LPA: variants seen among roughly 807,000 people sequenced by gnomAD.
LPA encodes the protein apolipoprotein(a).
A neutral mutation model predicts 197.9 loss-of-function variants in LPA; 199 were observed. That is an observed-to-expected ratio of 1.01 (90% CI 0.90 to 1.13). LPA has a LOEUF of 1.13. LPA is among the 50% of genes most tolerant of loss of function. LPA has a pLI of 0.00. For synonymous variants in LPA, 715 were observed against 639.5 expected, an observed-to-expected ratio of 1.12 and a Z score of -1.78; for missense variants, 1,853 against 1,785.8, an observed-to-expected ratio of 1.04 and a Z score of -0.68.
intron 1 of LPA, among the ~76,000 whole-genome samples, chr6:160,657,084 T>C (rs1157007359): frequency 6.6e-6 from 1 of 152,208 alleles, no homozygotes; most frequent in Non-Finnish European, 1.5e-5. Flanking sequence ...TCCCATTGTA[T>C]TTAAATTTTG....
At chr6:160,589,761 A>G in intron 23 of LPA, 49 bp from the exon 24 acceptor site, 2 of 1,606,426 alleles carry the variant, frequency 1.2e-6, no homozygotes, top group Non-Finnish European at 1.7e-6. Context: ...CAGAACACAG[A>G]AGCATGAGAA....
intron 21 of LPA, 63 bp from the exon 22 acceptor site, chr6:160,594,180 A>G: frequency 6.3e-7 from 1 of 1,590,646 alleles, no homozygotes; most frequent in South Asian, 1.1e-5. Context: ...ATCAGAAGAA[A>G]TCTGTGACTG....
In LPA at chr6:160,635,404, C is replaced by T. The variant is rs539386600; in HGVS notation, c.894-100G>A. On this transcript the variant is annotated intron_variant, in intron 6 of 38. Coordinates refer to ENST00000316300, the MANE Select transcript of LPA (RefSeq NM_005577.4). ...GCTGCAACAAGGTCATTACCGGTGCCTTTCTAATATTCCCATTAAAAGTAC... is the reference window on the plus strand; with the variant it reads ...GCTGCAACAAGGTCATTACCGGTGCTTTTCTAATATTCCCATTAAAAGTAC... 1.5e-3 allele frequency: 850 copies of T among 581,234 alleles called. 39 individuals are homozygous for T. The African/African-American group carries it at 0.024, about 17-fold the overall frequency. 36.0% of individuals were successfully genotyped at this position (581,234 alleles called of 1,614,324 possible).
chr6:160,573,990 C>G (rs557933637), intron 28 of LPA, among the ~76,000 whole-genome samples: 1 of 152,096 alleles, frequency 6.6e-6, no homozygotes, highest in Non-Finnish European at 1.5e-5. Flanking sequence ...CTTCTGCTAC[C>G]AGGGTGGGTA....
At chr6:160,649,361 G>C (rs1779963460) in intron 2 of LPA, among the ~76,000 whole-genome samples, 2 of 152,118 alleles carry the variant, frequency 1.3e-5, no homozygotes. Context: ...TCTATTTTCT[G>C]TGTACATGCA....
At chr6:160,604,256 G>C (rs6902102) in intron 18 of LPA, among the ~76,000 whole-genome samples, 1 of 152,034 alleles carries the variant, frequency 6.6e-6, no homozygotes, top group Non-Finnish European at 1.5e-5. Context: ...CCATCACCTT[G>C]CTCTTCAGTG....
intron 30 of LPA, among the ~76,000 whole-genome samples, chr6:160,550,377 G>A (rs1778149087): frequency 6.6e-6 from 1 of 152,126 alleles, no homozygotes; most frequent in African/African-American, 2.4e-5. Flanking sequence ...AATGTATTAT[G>A]TACCGTGGGA....
At chr6:160,648,591 A>AGT (rs1452276387) in intron 2 of LPA, among the ~76,000 whole-genome samples, 1 of 150,640 alleles carries the variant, frequency 6.6e-6, no homozygotes. Flanking sequence ...TACATGTTTG[A>AGT]GTGTGTGTGT....
In LPA at chr6:160,568,344, C is replaced by T. The variant is rs1294956136; in HGVS notation, c.4631+8792G>A. Among the ~76,000 whole-genome samples, 5 of 152,022 alleles carry T rather than the reference C, an allele frequency of 3.3e-5. No individual in the cohort carries two copies. In the South Asian group the frequency reaches 1.0e-3, roughly 31 times the overall value. ...CAAGGCTGGTTCAACATATGCAAAT[C>T]AATAAATGTAATCCATCATATAAAC... On this transcript the variant is annotated intron_variant, in intron 28 of 38. Transcript: ENST00000316300.
chr6:160,553,937 C>CTGTG (rs59853609), intron 30 of LPA, among the ~76,000 whole-genome samples: 5 of 139,064 alleles, frequency 3.6e-5, no homozygotes, highest in East Asian at 4.1e-4. Context: ...CTCTCTCTCT[C>CTGTG]TGTGTGTGTG....
At chr6:160,660,175 G>T (rs1029021697) in intron 1 of LPA, among the ~76,000 whole-genome samples, 1 of 116,554 alleles carries the variant, frequency 8.6e-6, no homozygotes, top group Non-Finnish European at 1.8e-5. Flanking sequence ...GCACTCAGAT[G>T]TATACTAACT....
intron 28 of LPA, among the ~76,000 whole-genome samples, chr6:160,575,355 C>T (rs558689703): frequency 1.7e-4 from 26 of 152,150 alleles, no homozygotes; most frequent in African/African-American, 6.0e-4. Flanking sequence ...ATTTCTGGGT[C>T]TATTTGTATT....
intron 27 of LPA, 32 bp downstream of exon 27, chr6:160,578,491 A>C: frequency 6.2e-7 from 1 of 1,612,246 alleles, no homozygotes; most frequent in Non-Finnish European, 8.5e-7. Flanking sequence ...TTTTCATCCC[A>C]GTATATAGAT....
intron 1 of LPA, among the ~76,000 whole-genome samples, chr6:160,662,718 T>C (rs1279552330): frequency 6.6e-6 from 1 of 152,334 alleles, no homozygotes; most frequent in African/African-American, 2.4e-5. Context: ...TCTCCTGCTC[T>C]GTATTTTCTT....
chr6:160,536,502 C>A (rs964405545), intron 37 of LPA, among the ~76,000 whole-genome samples: 2 of 152,180 alleles, frequency 1.3e-5, no homozygotes, highest in South Asian at 2.1e-4. Context: ...AAACAATCAG[C>A]GAGAGCTCAC....
intron 19 of LPA, among the ~76,000 whole-genome samples, chr6:160,600,248 G>A (rs111355374): frequency 1.2e-3 from 185 of 152,244 alleles, no homozygotes; most frequent in African/African-American, 4.0e-3. Context: ...GAATCCTCTC[G>A]TGCCCAGCAT....
chr6:160,590,366 A>T (rs982188848), intron 23 of LPA, among the ~76,000 whole-genome samples: 6 of 152,190 alleles, frequency 3.9e-5, no homozygotes, highest in Non-Finnish European at 7.3e-5. Flanking sequence ...AGGGGCAAGA[A>T]CACTAAGAAA....
intron 37 of LPA, among the ~76,000 whole-genome samples, chr6:160,535,761 A>G (rs1311475802): frequency 6.6e-6 from 1 of 152,102 alleles, no homozygotes; most frequent in African/African-American, 2.4e-5. Context: ...TAATCCTCAC[A>G]ATTATCTCAT....
intron 28 of LPA, among the ~76,000 whole-genome samples, chr6:160,558,597 C>CG: frequency 6.6e-6 from 1 of 152,230 alleles, no homozygotes; most frequent in East Asian, 1.9e-4. Context: ...CCTCTGCTAG[C>CG]GGCAGCCACT....
Sources: allele counts gnomAD v4.1 joint callset (sites outside exome capture counted in the v4.1 genomes callset), GRCh38; gene constraint gnomAD v4.1.1; transcripts MANE v1.5; gene names NCBI Gene and HGNC (gene_info 2026-07-23, HGNC 2026-07-21).